Variants in HDAC8 observed in about 807,000 individuals in gnomAD.
The protein encoded by HDAC8 is histone deacetylase-like 1.
A neutral mutation model predicts 32.2 loss-of-function variants in HDAC8; 1 was observed. That is an observed-to-expected ratio of 0.03 (90% CI 0.01 to 0.15). The LOEUF is 0.15. HDAC8 is among the 10% of genes least tolerant of loss of function. The probability of loss-of-function intolerance (pLI) is 1.00; values close to 1 mark genes in which losing one functional copy is unlikely to be tolerated. For synonymous variants in HDAC8, 108 were observed against 113.9 expected, an observed-to-expected ratio of 0.95 and a Z score of 0.33; for missense variants, 117 against 300.0, an observed-to-expected ratio of 0.39 and a Z score of 4.51.
intron 1 of HDAC8, 102 bp from the exon 2 acceptor site, chrX:72,572,211 A>T (rs1749640425): frequency 1.2e-6 from 1 of 815,523 alleles, no homozygotes; most frequent in Non-Finnish European, 1.7e-6. Context: ...TGAACAAAGG[A>T]ACGGATTAAT....
intron 5 of HDAC8, among the ~76,000 whole-genome samples, chrX:72,493,576 C>T (rs1004581120): frequency 3.6e-5 from 4 of 111,782 alleles, no homozygotes; most frequent in Non-Finnish European, 7.5e-5. Flanking sequence ...TAAACATTTT[C>T]GGCTTTGCAA....
At chrX:72,510,816 G>C (rs2049557784) in intron 4 of HDAC8, among the ~76,000 whole-genome samples, 1 of 111,563 alleles carries the variant, frequency 9.0e-6, no homozygotes, top group African/African-American at 3.3e-5. Flanking sequence ...AGATTACTTA[G>C]GTACAATTTT....
chrX:72,416,992 T>C (rs1473864286), intron 9 of HDAC8, among the ~76,000 whole-genome samples: 1 of 111,560 alleles, frequency 9.0e-6, no homozygotes, highest in African/African-American at 3.3e-5. Context: ...TTAATTGTTT[T>C]AATATTATTG....
intron 9 of HDAC8, among the ~76,000 whole-genome samples, chrX:72,427,895 A>C (rs1215024852): frequency 8.9e-6 from 1 of 111,903 alleles, no homozygotes; most frequent in Non-Finnish European, 1.9e-5. Flanking sequence ...AATTGTTTTG[A>C]ATTTTGTGAG....
intron 7 of HDAC8, chrX:72,474,071 A>G (rs1384640490): frequency 1.4e-6 from 1 of 712,885 alleles, no homozygotes; most frequent in African/African-American, 2.4e-5. Context: ...TGTATATTCA[A>G]ACTTGACCCA....
intron 10 of HDAC8, among the ~76,000 whole-genome samples, chrX:72,343,476 C>A (rs969366812): frequency 3.6e-5 from 4 of 110,479 alleles, no homozygotes; most frequent in Non-Finnish European, 7.6e-5. Flanking sequence ...CCCGGCCGAA[C>A]TCAAATTTTG....
At chrX:72,546,068 G>A (rs1268500932) in intron 4 of HDAC8, among the ~76,000 whole-genome samples, 1 of 111,627 alleles carries the variant, frequency 9.0e-6, no homozygotes, top group Non-Finnish European at 1.9e-5. Flanking sequence ...AGGCAAAAAG[G>A]GTGAAGCTCT....
chrX:72,387,616 C>T (rs2045478770), intron 9 of HDAC8, among the ~76,000 whole-genome samples: 1 of 111,676 alleles, frequency 9.0e-6, no homozygotes, highest in African/African-American at 3.3e-5. Flanking sequence ...TCAACTTGGG[C>T]AAGCCATCTA....
intron 9 of HDAC8, among the ~76,000 whole-genome samples, chrX:72,455,982 A>T (rs2047707139): frequency 8.9e-6 from 1 of 112,119 alleles, no homozygotes. Context: ...TTAGTGTAGT[A>T]TCGAAGAATA....
intron 9 of HDAC8, among the ~76,000 whole-genome samples, chrX:72,459,168 A>C (rs2047801106): frequency 9.0e-6 from 1 of 111,677 alleles, no homozygotes; most frequent in Non-Finnish European, 1.9e-5. Flanking sequence ...TGTCACCTTT[A>C]TTAGATCGTG....
At chrX:72,489,076 G>T in intron 6 of HDAC8, 35 bp from the exon 7 acceptor site, 1 of 983,858 alleles carries the variant, frequency 1.0e-6, no homozygotes, top group Non-Finnish European at 1.4e-6. Flanking sequence ...TCAGTTATTA[G>T]GAACATGAGA....
intron 10 of HDAC8, among the ~76,000 whole-genome samples, chrX:72,348,547 T>C (rs1555947754): frequency 8.9e-6 from 1 of 112,512 alleles, no homozygotes; most frequent in Non-Finnish European, 1.9e-5. Context: ...TTTCTAGCCT[T>C]GTTTCTTAAA....
chrX:72,534,820 T>C (rs1335052143), intron 4 of HDAC8, among the ~76,000 whole-genome samples: 1 of 112,261 alleles, frequency 8.9e-6, no homozygotes, highest in African/African-American at 3.2e-5. Context: ...AAACAGCTGA[T>C]GCTTTTTCTG....
chrX:72,472,941 GC>G (rs1446014864), intron 7 of HDAC8, among the ~76,000 whole-genome samples: 1 of 110,427 alleles, frequency 9.1e-6, no homozygotes, highest in African/African-American at 3.3e-5. Flanking sequence ...CTCTAATCTA[GC>G]CCTTATGACC....
chrX:72,566,622 G>A lies in HDAC8; in HGVS notation c.437+1267C>T, dbSNP rs1414696749. Among the ~76,000 whole-genome samples, 4 of 112,153 alleles carry A rather than the reference G, an allele frequency of 3.6e-5. No individual in the cohort carries two copies. In the East Asian group the frequency reaches 8.4e-4, roughly 23 times the overall value. ...TTCTCTTGACCTAAGAGCACCTAAG[G>A]TCACGGTTGATTGCATGAACAATTG... On this transcript the variant is annotated intron_variant, in intron 4 of 10. Coordinates refer to ENST00000373573, the MANE Select transcript of HDAC8 (RefSeq NM_018486.3).
In HDAC8 at chrX:72,461,115, A is replaced by G. The variant is rs1371124590; in HGVS notation, c.1005+889T>C. 3.6e-5 allele frequency among the ~76,000 whole-genome samples: 4 copies of G among 112,455 alleles called. No homozygotes were observed. In the South Asian group the frequency reaches 1.5e-3, roughly 41 times the overall value. ...ATGCTCCCAAGTGTACAGCTACTGTATCTGGCAGAAATCATAACATTAAAA... is the reference window on the plus strand; with the variant it reads ...ATGCTCCCAAGTGTACAGCTACTGTGTCTGGCAGAAATCATAACATTAAAA... On this transcript the variant is annotated intron_variant, in intron 9 of 10. Coordinates refer to ENST00000373573, the MANE Select transcript of HDAC8 (RefSeq NM_018486.3).
At chrX:72,387,203 A>G (rs2045461459) in intron 9 of HDAC8, among the ~76,000 whole-genome samples, 1 of 112,454 alleles carries the variant, frequency 8.9e-6, no homozygotes, top group African/African-American at 3.2e-5. Flanking sequence ...TTCCTTGGCT[A>G]CAAATGGTTG....
chrX:72,461,922 T>G (rs1481924407), intron 9 of HDAC8, 82 bp downstream of exon 9: 1 of 675,467 alleles, frequency 1.5e-6, no homozygotes, highest in East Asian at 3.2e-5. Context: ...CGGTATTGAG[T>G]GGTGAGGACG....
At chrX:72,403,456 C>A (rs891829668) in intron 9 of HDAC8, among the ~76,000 whole-genome samples, 8 of 111,762 alleles carry the variant, frequency 7.2e-5, no homozygotes, top group Non-Finnish European at 1.9e-5. Context: ...GTCATACATA[C>A]ATATACATCT....
Sources: gnomAD v4.1 joint callset for allele counts (sites outside exome capture counted in the v4.1 genomes callset) on GRCh38, gnomAD v4.1.1 for gene constraint, MANE v1.5 for transcripts, NCBI Gene and HGNC (gene_info 2026-07-23, HGNC 2026-07-21) for gene names.